The following TTN variants were observed in gnomAD, a reference collection of about 807,000 sequenced individuals.
The protein encoded by TTN is titin.
In TTN, 1,525 loss-of-function variants were observed where a neutral mutation model predicts 3,223.0. The ratio of observed to expected loss-of-function variants is 0.47; its 90% CI spans 0.45 to 0.49. TTN has a LOEUF of 0.49. Among genes scored for constraint, TTN ranks in the 20% least tolerant of loss-of-function variants. The pLI is 0.00. For missense variants in TTN, 40,786 were observed against 43,424.0 expected (o/e 0.94, Z 5.40); for synonymous variants, 14,094 against 15,161.0 (o/e 0.93, Z 5.17).
chr2:178,778,206 T>G, intron 24 of TTN: 1 of 544,574 alleles, frequency 1.8e-6, no homozygotes, highest in Non-Finnish European at 3.2e-6. Context: ...TATATCCAGG[T>G]ACCCAGGCTC....
chr2:178,650,737 G>A lies in TTN; in HGVS notation c.39709+14C>T, dbSNP rs760314415. On this transcript the variant is annotated intron_variant, in intron 209 of 362. Transcript: ENST00000589042. The stretch of plus-strand genomic sequence containing the variant: ...GCAAGTGGCAAGGTCATTAATCACC[G>A]GTCTCACGTGTACCTTCTGGGGGAG... 8.8e-6 allele frequency: 14 copies of A among 1,589,182 alleles called. No homozygotes were observed. Among genetic ancestry groups the A allele is most frequent in the African/African-American group, 6.7e-5 (5 of 74,164 alleles).
chr2:178,767,717 A>G (rs2090728964), intron 40 of TTN, 42 bp downstream of exon 40: 1 of 1,606,670 alleles, frequency 6.2e-7, no homozygotes, highest in African/African-American at 1.3e-5. Flanking sequence ...TAGATTATGG[A>G]CTACTGATGA....
Position 178,701,542 on chromosome 2 carries a change from G to C in TTN, c.30584C>G (p.Ala10195Gly). Residue 10195 changes from alanine to glycine, a missense_variant, in exon 110 of 363, where the codon GCA becomes GGA. Physicochemically the swap from Ala to Gly is moderately conservative, Grantham distance 60. Coordinates refer to ENST00000589042, the MANE Select transcript of TTN (RefSeq NM_001267550.2). ...RVPIPTMPIR[A>G]VPPEEIPPVV... ...CTGGGTCTTACCTTCTGGTGGCACT[G>C]CTCTGATAGGCATGGTTGGGATTGG... 1 of 1,613,634 alleles carries C rather than the reference G, an allele frequency of 6.2e-7. No individual in the cohort carries two copies. The highest frequency in any genetic ancestry group is 8.5e-7 in the Non-Finnish European group (1 of 1,179,696).
chr2:178,781,418 T>C (rs896487132), intron 20 of TTN, among the ~76,000 whole-genome samples, 155 bp from the exon 21 acceptor site: 1 of 152,138 alleles, frequency 6.6e-6, no homozygotes, highest in Non-Finnish European at 1.5e-5. Flanking sequence ...TTGCTGAAAA[T>C]TGAGAAAAAT....
rs566830548 is a variant in TTN at position 178,587,305 on chromosome 2, G to T, written c.63906C>A (p.Ile21302=). ...TTCTGTCTGCCTCACGTTTCTCCAC[G>T]ATATAATGTGTCACTTGGCTCCCAC... ...NDGGSQVTHY[I]VEKREADRKT... is the part of the protein sequence containing the mutation. The change falls in exon 307 of 363, where the codon ATC becomes ATA. Residue 21302 remains isoleucine (I), a synonymous_variant. Transcript: ENST00000589042. 2 of 1,612,870 alleles carry T rather than the reference G, an allele frequency of 1.2e-6. No individual in the cohort carries two copies. The highest frequency in any genetic ancestry group is 1.7e-6 in the Non-Finnish European group (2 of 1,179,476).
At position 178,632,507 on chromosome 2, in the gene TTN, A is replaced by C; in HGVS notation, c.43480+19T>G. On this transcript the variant is annotated intron_variant, in intron 235 of 362. Coordinates refer to ENST00000589042, the MANE Select transcript of TTN (RefSeq NM_001267550.2). The stretch of plus-strand genomic sequence containing the variant: ...AAAAAAAATGATTTTGGGGTGGACT[A>C]TTTGATAAAACTATTTACCTTCAAT... 6.2e-7 allele frequency: 1 copy of C among 1,608,834 alleles called. No homozygotes were observed. The highest frequency in any genetic ancestry group is 8.5e-7 in the Non-Finnish European group (1 of 1,178,566).
At position 178,545,589 on chromosome 2, in the gene TTN, T is replaced by C. The variant is rs794729540; in HGVS notation, c.95521A>G (p.Asn31841Asp). 27 of 1,613,670 alleles carry C rather than the reference T, an allele frequency of 1.7e-5. No individual in the cohort carries two copies. Among genetic ancestry groups the C allele is most frequent in the Non-Finnish European group, 2.3e-5 (27 of 1,179,730 alleles). The change falls in exon 344 of 363, where the codon AAC becomes GAC. Residue 31841 changes from asparagine to aspartate, a missense_variant. Transcript: ENST00000589042. ...TTCTCACGTTTGTCTACTAGGTAGT[T>C]GCTGATTTCATTGCCACCATCAGAT... is the stretch of plus-strand genomic sequence containing the variant. ...PESDGGNEIS[N>D]YLVDKREKKS...
chr2:178,563,739 T>G lies in TTN; in HGVS notation c.82393A>C (p.Asn27465His). The change falls in exon 326 of 363, where the codon AAT (asparagine) becomes CAT (histidine). Residue 27465 changes from asparagine (N) to histidine (H), a missense_variant. Transcript: ENST00000589042. This position sits in a 1 kb window ranked among gnomAD's most constrained non-coding sequence, Gnocchi z 4.5. ...PLESGPVTAC[N>H]PYKPPGPPST... ...GGAGGACCTGGTGGCTTATAAGGATTACAGGCCGTAACAGGCCCAGATTCC... is the reference window on the plus strand; with the variant it reads ...GGAGGACCTGGTGGCTTATAAGGATGACAGGCCGTAACAGGCCCAGATTCC... The G allele has an allele frequency of 6.2e-7, 1 of 1,613,694 alleles. No homozygotes were observed. The highest frequency in any genetic ancestry group is 8.5e-7 in the Non-Finnish European group (1 of 1,179,736).
chr2:178,714,595 C>G, intron 90 of TTN, 22 bp from the exon 91 acceptor site: 1 of 1,561,518 alleles, frequency 6.4e-7, no homozygotes, highest in Non-Finnish European at 8.6e-7. Context: ...GGAGGAAAGC[C>G]TGGGTTTTAA....
At chr2:178,606,982 A>C in intron 278 of TTN, 39 bp downstream of exon 278, 1 of 1,575,402 alleles carries the variant, frequency 6.3e-7, no homozygotes, top group Non-Finnish European at 8.6e-7. Context: ...CTAGAAGCAA[A>C]ACATTACTCT....
intron 159 of TTN, 140 bp from the exon 160 acceptor site, chr2:178,667,861 C>T: frequency 1.7e-6 from 1 of 587,158 alleles, no homozygotes; most frequent in Non-Finnish European, 2.9e-6. Context: ...GGCTAGAATG[C>T]ATTGGCTGGG....
Position 178,554,059 on chromosome 2 carries a change from T to C in TTN, c.89052A>G (p.Leu29684=). ...GTCTGGTGTCACGGATAGTCTCTTT[T>C]AGTACTTTAAACCATCCTAGGCTCT... is the stretch of plus-strand genomic sequence containing the variant. ...DKKSLGWFKV[L]KETIRDTRQK... is the part of the protein sequence containing the mutation. Residue 29684 remains leucine, a synonymous_variant, in exon 333 of 363, where the codon CTA becomes CTG. Coordinates refer to ENST00000589042, the MANE Select transcript of TTN (RefSeq NM_001267550.2). 1.2e-6 allele frequency: 2 copies of C among 1,613,908 alleles called. No homozygotes were observed. The highest frequency in any genetic ancestry group is 1.7e-6 in the Non-Finnish European group (2 of 1,179,822).
At chr2:178,631,827 GA>G (rs2059844758) in intron 236 of TTN, among the ~76,000 whole-genome samples, 1 of 151,988 alleles carries the variant, frequency 6.6e-6, no homozygotes, top group Admixed American at 6.6e-5. Flanking sequence ...ACATTCCTCT[GA>G]AATAATTTTG....
Position 178,670,198 on chromosome 2 carries a change from G to C in TTN, c.35386+20C>G. 7.1e-7 allele frequency: 1 copy of C among 1,414,508 alleles called. No homozygotes were observed. 87.6% of individuals were successfully genotyped at this position (1,414,508 alleles called of 1,614,324 possible). On this transcript the variant is annotated intron_variant, in intron 157 of 362. Coordinates refer to ENST00000589042, the MANE Select transcript of TTN (RefSeq NM_001267550.2). Reference sequence around the variant, plus strand: ...TAAAAAAGGATTTTATATTAATGATGAATGAGAAAAGCCAGTTACCTTTAG... The same window carrying C: ...TAAAAAAGGATTTTATATTAATGATCAATGAGAAAAGCCAGTTACCTTTAG...
At position 178,534,907 on chromosome 2, in the gene TTN, C is replaced by T. The variant is rs72629782; in HGVS notation, c.101708G>A (p.Arg33903His). 9.3e-5 allele frequency: 149 copies of T among 1,609,828 alleles called. No homozygotes were observed. In the East Asian group the frequency reaches 1.1e-3, roughly 12 times the overall value. ...EFISGLDIFERINTSAFELNE... is the reference protein window; with the variant it reads ...EFISGLDIFEHINTSAFELNE... Reference sequence around the variant, plus strand: ...AAGTTCAAAAGCACTTGTGTTAATGCGCTCAAATATGTCAAGTCCTGATAT... The same window carrying T: ...AAGTTCAAAAGCACTTGTGTTAATGTGCTCAAATATGTCAAGTCCTGATAT... Residue 33903 changes from arginine to histidine, a missense_variant, in exon 358 of 363, where the codon CGC becomes CAC. Physicochemically the swap from Arg to His is conservative, Grantham distance 29 (BLOSUM62 0). Transcript: ENST00000589042.
chr2:178,635,854 C>T, intron 226 of TTN, 109 bp downstream of exon 226: 1 of 1,512,926 alleles, frequency 6.6e-7, no homozygotes, highest in Middle Eastern at 1.8e-4. Context: ...TTGTTATTCC[C>T]CTCTTAGGTA....
chr2:178,606,100 G>A (rs2054730287), intron 278 of TTN, among the ~76,000 whole-genome samples: 1 of 151,992 alleles, frequency 6.6e-6, no homozygotes, highest in Non-Finnish European at 1.5e-5. Context: ...AACAGATAGT[G>A]GATATGTCTA....
At position 178,548,766 on chromosome 2, in the gene TTN, T is replaced by A. The variant is rs778473278; in HGVS notation, c.92860A>T (p.Thr30954Ser). The A allele has an allele frequency of 5.6e-6, 9 of 1,613,234 alleles. No homozygotes were observed. The East Asian group carries it at 2.0e-4, about 36-fold the overall frequency. ...GGTTTGCTCCACACAGCTGTAGGAG[T>A]AGGTCTACCTTGGTAGGCAATGAAG... ...RLFIAYQGRP[T>S]PTAVWSKPDS... The change falls in exon 339 of 363, where the codon ACT (threonine) becomes TCT (serine). Residue 30954 changes from threonine (T) to serine (S), a missense_variant. Transcript: ENST00000589042. This position sits in a 1 kb window ranked among gnomAD's most constrained non-coding sequence, Gnocchi z 4.3.
At chr2:178,582,843 A>G (rs1237605532) in intron 313 of TTN, 97 bp downstream of exon 313, 5 of 1,110,364 alleles carry the variant, frequency 4.5e-6, no homozygotes, top group Non-Finnish European at 6.1e-6. Flanking sequence ...AATACACATT[A>G]GAATATGAAT....
Sources: allele counts gnomAD v4.1 joint callset (sites outside exome capture counted in the v4.1 genomes callset), GRCh38; gene constraint gnomAD v4.1.1; non-coding constraint Gnocchi (gnomAD v3.1); transcripts MANE v1.5; gene names NCBI Gene and HGNC (gene_info 2026-07-23, HGNC 2026-07-21).